The following VIT variants were observed in gnomAD, a reference collection of about 807,000 sequenced individuals.
VIT encodes the protein vitrin.
In VIT, 99 loss-of-function variants were observed where a neutral mutation model predicts 78.0. The ratio of observed to expected loss-of-function variants is 1.27; its 90% confidence interval spans 1.08 to 1.50. VIT has a LOEUF of 1.50. Among genes scored for constraint, VIT ranks in the 40% most tolerant of loss-of-function variants. VIT has a pLI of 0.00. For missense variants in VIT, 1,126 were observed against 875.3 expected, an observed-to-expected ratio of 1.29 and a Z score of -3.61; for synonymous variants, 374 against 334.3, an observed-to-expected ratio of 1.12 and a Z score of -1.29.
Position 36,775,010 on chromosome 2 carries a change from A to C in VIT, c.745A>C (p.Arg249=), listed in dbSNP as rs1483135507. ...CTGTGTAATCCCCTCAGGTATCCAA[A>C]GGCAAGATCCTTCAGGAGCTGCCTT... The part of the protein sequence containing the change: ...NRPRADPGIQ[R]QDPSGAAFQK... The change falls in exon 9 of 16, where the codon AGG becomes CGG. Residue 249 remains arginine, a synonymous_variant. Transcript: ENST00000379242. The C allele has an allele frequency of 2.5e-6, 4 of 1,614,146 alleles. No individual in the cohort carries two copies. The highest frequency in any genetic ancestry group is 3.4e-6 in the Non-Finnish European group (4 of 1,180,002).
intron 1 of VIT, among the ~76,000 whole-genome samples, chr2:36,701,612 T>C (rs1323271319): frequency 1.6e-5 from 1 of 63,756 alleles, no homozygotes; most frequent in African/African-American, 3.9e-5. Context: ...TTTCTTCTCT[T>C]ATTCAAAAAG....
In VIT at chr2:36,706,735, A is replaced by C. The variant is rs868020691; in HGVS notation, c.-18-9618A>C. ...ACATTTCAGTGACTGTCATCTCTGC[A>C]TCTGACAATAATAATTGAGCTGCTT... On this transcript the variant is annotated intron_variant, in intron 1 of 15. Coordinates refer to ENST00000379242, the MANE Select transcript of VIT (RefSeq NM_053276.4). 5.3e-5 allele frequency among the ~76,000 whole-genome samples: 8 copies of C among 152,370 alleles called. No individual in the cohort carries two copies. In the East Asian group the frequency reaches 9.6e-4, roughly 18 times the overall value.
At chr2:36,717,836 C>A (rs535060623) in intron 2 of VIT, among the ~76,000 whole-genome samples, 3 of 152,260 alleles carry the variant, frequency 2.0e-5, no homozygotes, top group Non-Finnish European at 4.4e-5. Flanking sequence ...ACAACAAAAA[C>A]CCATTCTCTC....
intron 1 of VIT, among the ~76,000 whole-genome samples, chr2:36,713,014 C>G (rs1665900972): frequency 1.3e-5 from 2 of 152,134 alleles, no homozygotes; most frequent in South Asian, 2.1e-4. Context: ...AATCCCTGCC[C>G]TTTTGGAGCT....
At chr2:36,783,218 A>C (rs1004391520) in intron 10 of VIT, 122 bp from the exon 11 acceptor site, 3 of 780,186 alleles carry the variant, frequency 3.8e-6, no homozygotes, top group Non-Finnish European at 6.2e-6. Context: ...GAAAAAAAGC[A>C]CAGTTAGCTT....
chr2:36,760,582 T>A (rs1466609359), intron 6 of VIT, among the ~76,000 whole-genome samples: 7 of 152,198 alleles, frequency 4.6e-5, no homozygotes, highest in Non-Finnish European at 4.4e-5. Flanking sequence ...AGACGAAGAA[T>A]GGGTGACAGG....
intron 1 of VIT, among the ~76,000 whole-genome samples, chr2:36,708,427 A>G (rs13029062): frequency 0.52 from 78,574 of 152,044 alleles, 21,789 homozygotes; most frequent in Non-Finnish European, 0.63. Context: ...CATAAATCCT[A>G]CATGTCTGCT....
intron 4 of VIT, among the ~76,000 whole-genome samples, chr2:36,753,770 A>G (rs941901493): frequency 2.0e-5 from 3 of 152,226 alleles, no homozygotes; most frequent in Non-Finnish European, 4.4e-5. Context: ...GAACTCAATC[A>G]CAGGGAGCCC....
At chr2:36,789,351 G>T (rs1417717064) in intron 12 of VIT, among the ~76,000 whole-genome samples, 1 of 152,210 alleles carries the variant, frequency 6.6e-6, no homozygotes, top group African/African-American at 2.4e-5. Flanking sequence ...TCAGTGACCA[G>T]CTCTGTATTC....
chr2:36,755,149 C>G, intron 5 of VIT, 95 bp downstream of exon 5: 1 of 1,331,848 alleles, frequency 7.5e-7, no homozygotes, highest in Non-Finnish European at 9.9e-7. Flanking sequence ...TGGCCCACCT[C>G]ATTTCATAAA....
chr2:36,775,919 T>C (rs1670020881), intron 9 of VIT, among the ~76,000 whole-genome samples: 1 of 152,210 alleles, frequency 6.6e-6, no homozygotes, highest in African/African-American at 2.4e-5. Context: ...TTGGAGTTCT[T>C]AGATATCCTT....
intron 3 of VIT, among the ~76,000 whole-genome samples, chr2:36,731,165 G>C (rs1054629944): frequency 9.2e-5 from 14 of 151,978 alleles, no homozygotes; most frequent in Non-Finnish European, 2.1e-4. Context: ...GCCTCCTACC[G>C]CTCTCAATAG....
In VIT at chr2:36,786,526, A is replaced by G. The variant is rs190295199; in HGVS notation, c.911-603A>G. ...AACTATCCTGGTCCTCATCACAACT[A>G]AAAGAAAGAAAGAAAAAAAATCTCG... On this transcript the variant is annotated intron_variant, in intron 11 of 15. Coordinates refer to ENST00000379242, the MANE Select transcript of VIT (RefSeq NM_053276.4). Among the ~76,000 whole-genome samples, 158 of 152,276 alleles carry G rather than the reference A, an allele frequency of 1.0e-3. 1 individual carries two copies. Among genetic ancestry groups the G allele is most frequent in the Non-Finnish European group, 1.3e-3 (88 of 68,014 alleles).
chr2:36,720,173 C>A (rs527655359), intron 2 of VIT, among the ~76,000 whole-genome samples: 1 of 152,028 alleles, frequency 6.6e-6, no homozygotes, highest in East Asian at 1.9e-4. Context: ...GAAAAGATTC[C>A]AAAAGGCCAA....
chr2:36,808,273 CTG>C (rs1261569724), intron 14 of VIT, among the ~76,000 whole-genome samples, 197 bp from the exon 15 acceptor site: 3 of 152,232 alleles, frequency 2.0e-5, no homozygotes, highest in Non-Finnish European at 2.9e-5. Flanking sequence ...GGGAGTAGGA[CTG>C]AGTCCAGCGA....
intron 15 of VIT, among the ~76,000 whole-genome samples, chr2:36,810,547 C>A (rs1667082474): frequency 1.3e-5 from 2 of 151,984 alleles, no homozygotes; most frequent in Non-Finnish European, 2.9e-5. Flanking sequence ...ACCAAGTAGT[C>A]AATGAACACC....
intron 14 of VIT, among the ~76,000 whole-genome samples, chr2:36,807,218 G>A (rs1053458136): frequency 1.3e-5 from 2 of 152,132 alleles, no homozygotes; most frequent in African/African-American, 2.4e-5. Context: ...CATTTCTGAT[G>A]GGTTCCCTCA....
chr2:36,697,518 A>G (rs949372757), intron 1 of VIT, among the ~76,000 whole-genome samples: 2 of 152,200 alleles, frequency 1.3e-5, no homozygotes, highest in Admixed American at 1.3e-4. Flanking sequence ...GTTTACACTT[A>G]AAGTGTTTTC....
chr2:36,782,686 A>G (rs1303887874), intron 10 of VIT, among the ~76,000 whole-genome samples: 1 of 152,204 alleles, frequency 6.6e-6, no homozygotes, highest in African/African-American at 2.4e-5. Context: ...TCCCATGTAC[A>G]TGGCTCTAAA....
Sources: gnomAD v4.1 joint callset for allele counts (sites outside exome capture counted in the v4.1 genomes callset) on GRCh38, gnomAD v4.1.1 for gene constraint, MANE v1.5 for transcripts, NCBI Gene and HGNC (gene_info 2026-07-23, HGNC 2026-07-21) for gene names.